CROCC: variants seen among roughly 807,000 people sequenced by gnomAD.
The protein encoded by CROCC is ciliary rootlet coiled-coil, rootletin, also known as rootletin.
Under a neutral mutation model 245.2 loss-of-function variants are expected in CROCC, and 180 were observed. The ratio of observed to expected loss-of-function variants is 0.73; its 90% confidence interval spans 0.65 to 0.83. The LOEUF (loss-of-function observed/expected upper bound fraction) is 0.83, where lower values mean the gene tolerates loss of function less well. CROCC is among the 40% of genes least tolerant of loss of function. The pLI, the probability that CROCC is intolerant of heterozygous loss-of-function variation, is 0.00. For synonymous variants in CROCC, 1,205 were observed against 1,241.6 expected (o/e 0.97, Z 0.62); for missense variants, 2,688 against 2,779.4 (o/e 0.97, Z 0.74).
At chr1:16,930,680 A>AGAGGGAGCACTGTCC (rs1553152538) in intron 7 of CROCC, 86 bp downstream of exon 7, 109 of 1,148,496 alleles carry the variant, frequency 9.5e-5, no homozygotes, top group African/African-American at 7.7e-4. Flanking sequence ...CTGGAGAGGG[A>AGAGGGAGCACTGTCC]GAGGGAGCAC....
intron 20 of CROCC, chr1:16,952,054 T>G (rs1173952285): frequency 6.6e-6 from 1 of 151,670 alleles, no homozygotes; most frequent in East Asian, 2.0e-4. Flanking sequence ...CACGCCTGGC[T>G]AATTTTTGCA....
Position 16,939,980 on chromosome 1 carries a change from C to T in CROCC, c.1695C>T (p.Ala565=). The T allele has an allele frequency of 1.2e-6, 2 of 1,612,494 alleles. No individual in the cohort carries two copies. The highest frequency in any genetic ancestry group is 2.2e-5 in the East Asian group (1 of 44,892). ...QLSDSESERR[A]LEEQLQRLRD... is the part of the protein sequence containing the mutation. ...GCGACAGCGAGAGCGAGCGGCGGGC[C>T]CTAGAGGAACAGCTGCAGCGCCTGC... The change falls in exon 13 of 37, where the codon GCC becomes GCT. Residue 565 remains alanine (A), a synonymous_variant. Transcript: ENST00000375541.
In CROCC at chr1:16,956,110, G is replaced by A. The variant is rs1265978294; in HGVS notation, c.3818G>A (p.Arg1273His). 4 of 1,550,080 alleles carry A rather than the reference G, an allele frequency of 2.6e-6. No homozygotes were observed. The highest frequency in any genetic ancestry group is 1.2e-5 in the South Asian group (1 of 83,958). The change falls in exon 25 of 37, where the codon CGC becomes CAC. Residue 1273 changes from arginine to histidine, a missense_variant. Around this residue, in one of 9 missense-constraint regions of CROCC, gnomAD observed 1,218 missense variants for 1,286.3 expected, o/e 0.95. Coordinates refer to ENST00000375541, the MANE Select transcript of CROCC (RefSeq NM_014675.5). The stretch of plus-strand genomic sequence containing the variant: ...CGAACTGGGCTGCAGGAGGTGGAGC[G>A]CTCACGGCTGGAGGCTCGGCGGGAG... ...ELRTGLQEVERSRLEARRELQ... is the reference protein window; with the variant it reads ...ELRTGLQEVEHSRLEARRELQ...
chr1:16,950,874 G>A, intron 19 of CROCC, 79 bp from the exon 20 acceptor site: 3 of 1,305,472 alleles, frequency 2.3e-6, no homozygotes, highest in Non-Finnish European at 3.0e-6. Flanking sequence ...TTGCCCATGT[G>A]GCTCACCTGG....
At chr1:16,929,135 G>T (rs1344351314) in intron 3 of CROCC, among the ~76,000 whole-genome samples, 19 of 152,270 alleles carry the variant, frequency 1.2e-4, no homozygotes, top group Non-Finnish European at 2.8e-4. Context: ...CCAGAAGGGG[G>T]CATTAATATG....
Position 16,924,288 on chromosome 1 carries a change from C to T in CROCC, c.197-37C>T, listed in dbSNP as rs113677985. On this transcript the variant is annotated intron_variant, in intron 2 of 36. Coordinates refer to ENST00000375541, the MANE Select transcript of CROCC (RefSeq NM_014675.5). Reference sequence around the variant, plus strand: ...GTTGGGGGGAGGATGTCCCACTGGACCCAGAAGCCAACCATGTGCCCACTG... The same window carrying T: ...GTTGGGGGGAGGATGTCCCACTGGATCCAGAAGCCAACCATGTGCCCACTG... The T allele has an allele frequency of 1.8e-3, 2,856 of 1,598,478 alleles. No individual in the cohort carries two copies. In the African/African-American group the frequency reaches 0.032, roughly 18 times the overall value.
chr1:16,946,717 A>G, intron 16 of CROCC, 44 bp from the exon 17 acceptor site: 1 of 1,530,304 alleles, frequency 6.5e-7, no homozygotes, highest in Non-Finnish European at 8.8e-7. Context: ...TGGTCCTGGG[A>G]GGGACGCCCT....
chr1:16,947,847 T>G (rs1366830259), intron 17 of CROCC, among the ~76,000 whole-genome samples: 1 of 151,678 alleles, frequency 6.6e-6, no homozygotes, highest in Non-Finnish European at 1.5e-5. Context: ...TTTGTTGTTG[T>G]TTTTTTTTCC....
intron 26 of CROCC, among the ~76,000 whole-genome samples, chr1:16,960,189 C>T (rs1402555044): frequency 6.6e-6 from 1 of 152,126 alleles, no homozygotes. Context: ...TCACTTGAAC[C>T]CAGGAGGCAG....
intron 16 of CROCC, 98 bp downstream of exon 16, chr1:16,946,503 C>T (rs1420507527): frequency 1.4e-6 from 2 of 1,476,636 alleles, no homozygotes; most frequent in Non-Finnish European, 1.8e-6. Flanking sequence ...TTGGCCCCTG[C>T]CTCCCTTTCT....
intron 8 of CROCC, among the ~76,000 whole-genome samples, chr1:16,932,628 C>G (rs1313888581): frequency 1.3e-5 from 2 of 152,174 alleles, no homozygotes; most frequent in Non-Finnish European, 2.9e-5. Context: ...AGCAGGCGCT[C>G]CAAGCAGGAG....
At chr1:16,927,278 A>G (rs1209056244) in intron 3 of CROCC, among the ~76,000 whole-genome samples, 1 of 152,280 alleles carries the variant, frequency 6.6e-6, no homozygotes, top group Non-Finnish European at 1.5e-5. Flanking sequence ...CCGGGGACCT[A>G]TAACAACCAT....
chr1:16,949,340 G>C (rs193271201), intron 19 of CROCC, among the ~76,000 whole-genome samples: 3 of 152,294 alleles, frequency 2.0e-5, no homozygotes, highest in Non-Finnish European at 4.4e-5. Flanking sequence ...TCCAGTCTCT[G>C]AACTCAGGGC....
Position 16,965,789 on chromosome 1 carries a change from C to T in CROCC, c.4472C>T (p.Pro1491Leu). The T allele has an allele frequency of 2.5e-6, 4 of 1,613,698 alleles. No individual in the cohort carries two copies. The highest frequency in any genetic ancestry group is 3.4e-6 in the Non-Finnish European group (4 of 1,180,030). ...ECSPGSQPPS[P>L]GPATSPASPD... ...AGCCCTGGGTCCCAGCCACCATCTC[C>T]AGGACCTGCCACCTCCCCAGCCTCT... is the stretch of plus-strand genomic sequence containing the variant. The change falls in exon 28 of 37, where the codon CCA becomes CTA. Residue 1491 changes from proline (P) to leucine (L), a missense_variant. Physicochemically the swap from Pro to Leu is moderately conservative, Grantham distance 98 (BLOSUM62 -3). Around this residue, in one of 9 missense-constraint regions of CROCC, gnomAD observed 1,218 missense variants for 1,286.3 expected, o/e 0.95. Transcript: ENST00000375541.
rs773487402 is a variant in CROCC, at chr1:16,931,410, CG to C, written c.956+17del. The C allele has an allele frequency of 1.4e-5, 22 of 1,604,342 alleles. No individual in the cohort carries two copies. Among genetic ancestry groups the C allele is most frequent in the Non-Finnish European group, 1.9e-5 (22 of 1,172,466 alleles). ...TGTTCACTGAGAGGTGAGGCCTGGC[CG>C]GGGACGGGGCAGCAGCTGAGAGCCA... On this transcript the variant is annotated intron_variant, in intron 8 of 36. Coordinates refer to ENST00000375541, the MANE Select transcript of CROCC (RefSeq NM_014675.5).
At chr1:16,937,230 G>C (rs1346501374) in intron 9 of CROCC, among the ~76,000 whole-genome samples, 1 of 152,236 alleles carries the variant, frequency 6.6e-6, no homozygotes, top group Non-Finnish European at 1.5e-5. Context: ...GCGCGTGCCT[G>C]TAATCCCAGC....
chr1:16,926,950 G>C (rs1371265525), intron 3 of CROCC, among the ~76,000 whole-genome samples: 8 of 152,238 alleles, frequency 5.3e-5, no homozygotes, highest in African/African-American at 1.9e-4. Context: ...AAAGGGGTGA[G>C]GTGTGGCCGA....
intron 14 of CROCC, among the ~76,000 whole-genome samples, chr1:16,944,612 A>G (rs1307163712): frequency 6.6e-6 from 1 of 152,304 alleles, no homozygotes; most frequent in African/African-American, 2.4e-5. Flanking sequence ...ACTAAGTGCC[A>G]GATACCATTT....
At chr1:16,921,305 A>G (rs1295161174), upstream of CROCC, among the ~76,000 whole-genome samples, 1 of 152,270 alleles carries the variant, frequency 6.6e-6, no homozygotes, top group African/African-American at 2.4e-5. Context: ...GCTTCCCAAT[A>G]AGTGCCTGAA....
Sources: allele counts gnomAD v4.1 joint callset (sites outside exome capture counted in the v4.1 genomes callset), GRCh38; gene constraint gnomAD v4.1.1; regional missense constraint gnomAD v4.1.1; transcripts MANE v1.5; gene names NCBI Gene and HGNC (gene_info 2026-07-23, HGNC 2026-07-21).